RESF1: variants seen among roughly 807,000 people sequenced by gnomAD.
The protein encoded by RESF1 is gonad expressed transcript.
Under a neutral mutation model 134.7 loss-of-function variants are expected in RESF1, and 65 were observed. The observed-to-expected ratio is 0.48, with a 90% confidence interval of 0.40 to 0.59. The LOEUF is 0.59. Ranked by LOEUF, RESF1 falls within the 20% of genes least tolerant of loss-of-function variation. The pLI is 0.00. For missense variants in RESF1, 2,274 were observed against 2,002.7 expected, an observed-to-expected ratio of 1.14 and a Z score of -2.59; for synonymous variants, 762 against 702.2, an observed-to-expected ratio of 1.09 and a Z score of -1.35.
chr12:31,988,461 G>A (rs370321419), intron 5 of RESF1, among the ~76,000 whole-genome samples: 10 of 152,084 alleles, frequency 6.6e-5, no homozygotes, highest in African/African-American at 2.2e-4. Context: ...AGGTATGTGT[G>A]GGGGGTATGC....
In RESF1 at chr12:31,983,187, T is replaced by C; in HGVS notation, c.2232T>C (p.Asn744=). 2 of 1,611,208 alleles carry C rather than the reference T, an allele frequency of 1.2e-6. No individual in the cohort carries two copies. The highest frequency in any genetic ancestry group is 1.7e-6 in the Non-Finnish European group (2 of 1,179,002). ...CAGCTTTGTCGATGGTAATGCACAA[T>C]TATGAGTCTTCAGGTATAAATATAA... ...QQTALSMVMH[N]YESSGINITK... Residue 744 remains asparagine (N), a synonymous_variant, in exon 4 of 6, where the codon AAT becomes AAC. Transcript: ENST00000312561.
rs2388982 is a variant in RESF1, at chr12:31,981,306, C to T, written c.351C>T (p.Asn117=). ...NLQMSSGVTQ[N]VWLNSPMRNP... ...AGATGTCTTCAGGAGTTACCCAAAACGTATGGTTGAACTCACCAATGAGGA... is the reference window on the plus strand; with the variant it reads ...AGATGTCTTCAGGAGTTACCCAAAATGTATGGTTGAACTCACCAATGAGGA... The change falls in exon 4 of 6, where the codon AAC becomes AAT. Residue 117 remains asparagine (N), a synonymous_variant. Transcript: ENST00000312561. The T allele has an allele frequency of 0.7, 1,122,602 of 1,613,500 alleles. 391,280 individuals are homozygous for T. Among genetic ancestry groups the T allele is most frequent in the East Asian group, 0.81 (36,461 of 44,866 alleles).
Position 31,981,463 on chromosome 12 carries a change from C to T in RESF1, c.508C>T (p.Pro170Ser). The change falls in exon 4 of 6, where the codon CCT becomes TCT. Residue 170 changes from proline to serine, a missense_variant. Transcript: ENST00000312561. Reference sequence around the variant, plus strand: ...CTATTCTATGCAAATGCAGATGATCCCTTCTAATTCTACACGACTTCCTGT... The same window carrying T: ...CTATTCTATGCAAATGCAGATGATCTCTTCTAATTCTACACGACTTCCTGT... Reference protein sequence around the residue: ...DTYSMQMQMIPSNSTRLPVAY... With the variant: ...DTYSMQMQMISSNSTRLPVAY... The T allele has an allele frequency of 7.4e-6, 12 of 1,614,070 alleles. No homozygotes were observed. Among genetic ancestry groups the T allele is most frequent in the Non-Finnish European group, 1.0e-5 (12 of 1,180,010 alleles).
chr12:31,992,010 G>T (rs1940102455), intron 5 of RESF1, among the ~76,000 whole-genome samples: 1 of 152,152 alleles, frequency 6.6e-6, no homozygotes, highest in Non-Finnish European at 1.5e-5. Flanking sequence ...TGTATTGTTT[G>T]GGACTGACTC....
chr12:31,980,218 T>G (rs1439753924), intron 3 of RESF1, among the ~76,000 whole-genome samples: 2 of 150,922 alleles, frequency 1.3e-5, no homozygotes, highest in African/African-American at 4.9e-5. Flanking sequence ...TTCAAGTGAT[T>G]CTTGTGCATC....
At chr12:31,960,408 T>C (rs1939234078) in intron 1 of RESF1, among the ~76,000 whole-genome samples, 1 of 152,204 alleles carries the variant, frequency 6.6e-6, no homozygotes, top group African/African-American at 2.4e-5. Flanking sequence ...TTAGCTTTAA[T>C]CATGTTTCAG....
At chr12:31,964,121 C>T (rs1199028919) in intron 2 of RESF1, among the ~76,000 whole-genome samples, 1 of 152,036 alleles carries the variant, frequency 6.6e-6, no homozygotes, top group Non-Finnish European at 1.5e-5. Context: ...AGTAGATTTA[C>T]CACTTTATTT....
At chr12:31,977,932 A>C (rs1228768846) in intron 3 of RESF1, among the ~76,000 whole-genome samples, 1 of 151,176 alleles carries the variant, frequency 6.6e-6, no homozygotes, top group Non-Finnish European at 1.5e-5. Context: ...CAGCCTTCCA[A>C]GTAGCTGGGA....
intron 3 of RESF1, among the ~76,000 whole-genome samples, chr12:31,972,388 C>T (rs1311887254): frequency 3.3e-5 from 5 of 151,722 alleles, no homozygotes; most frequent in African/African-American, 9.7e-5. Flanking sequence ...GGGTGGATCA[C>T]GAGGTCAGGA....
chr12:31,987,375 G>A, intron 5 of RESF1, 53 bp downstream of exon 5: 1 of 1,002,688 alleles, frequency 1.0e-6, no homozygotes, highest in Non-Finnish European at 1.5e-6. Flanking sequence ...CTGGTATATG[G>A]AAATTGGATT....
Position 31,981,386 on chromosome 12 carries a change from C to G in RESF1, c.431C>G (p.Ala144Gly). Reference sequence around the variant, plus strand: ...GTATCTCATCAAACTGATTTTGGAGCTAACGTACCCAATATGCCGGCACTA... The same window carrying G: ...GTATCTCATCAAACTGATTTTGGAGGTAACGTACCCAATATGCCGGCACTA... ...ATVSHQTDFG[A>G]NVPNMPALQS... Residue 144 changes from alanine (A) to glycine (G), a missense_variant, in exon 4 of 6, where the codon GCT (alanine) becomes GGT (glycine). Physicochemically the swap from Ala to Gly is moderately conservative, Grantham distance 60. Coordinates refer to ENST00000312561, the MANE Select transcript of RESF1 (RefSeq NM_018169.4). 6.2e-7 allele frequency: 1 copy of G among 1,614,096 alleles called. No homozygotes were observed. The highest frequency in any genetic ancestry group is 8.5e-7 in the Non-Finnish European group (1 of 1,180,002).
Position 31,988,110 on chromosome 12 carries a change from A to G in RESF1, c.5086+788A>G, listed in dbSNP as rs530826972. On this transcript the variant is annotated intron_variant, in intron 5 of 5. Coordinates refer to ENST00000312561, the MANE Select transcript of RESF1 (RefSeq NM_018169.4). ...CCAGACCCTGGATTCAATTATTTAC[A>G]TGTTAATTTGATTAATCTTCAATAC... Among the ~76,000 whole-genome samples the G allele has an allele frequency of 9.2e-5, 14 of 152,302 alleles. No homozygotes were observed. The South Asian group carries it at 2.1e-3, about 23-fold the overall frequency.
At chr12:31,978,712 ATTTTTTTTTTTTT>A (rs35842957) in intron 3 of RESF1, among the ~76,000 whole-genome samples, 1 of 121,902 alleles carries the variant, frequency 8.2e-6, no homozygotes, top group African/African-American at 3.0e-5. Flanking sequence ...CACCCAGCTA[ATTTTTTTTTTTTT>A]TTTTTTTTGT....
intron 3 of RESF1, among the ~76,000 whole-genome samples, chr12:31,976,443 T>G (rs1939634466): frequency 6.6e-6 from 1 of 152,166 alleles, no homozygotes; most frequent in Non-Finnish European, 1.5e-5. Context: ...AAGAAAATCA[T>G]AAGGGATTGG....
intron 1 of RESF1, chr12:31,959,839 G>C (rs1245231561): frequency 1.3e-5 from 2 of 152,312 alleles, no homozygotes; most frequent in African/African-American, 2.4e-5. Flanking sequence ...CGCGGTAGAG[G>C]TCGCGAGTGG....
intron 3 of RESF1, 39 bp from the exon 4 acceptor site, chr12:31,980,839 C>A: frequency 1.3e-6 from 1 of 785,612 alleles, no homozygotes; most frequent in Non-Finnish European, 2.0e-6. Flanking sequence ...TCTATCTAGG[C>A]AAAACAGCAT....
chr12:31,992,748 A>C lies in RESF1; in HGVS notation c.*213A>C. On this transcript the variant is annotated 3_prime_UTR_variant, in exon 6 of 6. Transcript: ENST00000312561. ...ATGGATGGTATTCACCGGGGAAACA[A>C]GGTATTTGAATTTCTACTTTATTGA... 1.9e-6 allele frequency: 1 copy of C among 538,154 alleles called. No individual in the cohort carries two copies. Among genetic ancestry groups the C allele is most frequent in the South Asian group, 2.2e-5 (1 of 45,944 alleles). The allele number at this position is 538,154 out of a possible 1,614,324, so 33.3% of individuals were successfully genotyped here. A position where few individuals can be genotyped will look rare whatever the true frequency, so the allele number is the denominator to read the frequency against.
Position 31,992,491 on chromosome 12 carries a change from C to T in RESF1, c.5200C>T (p.Leu1734=). ...GTTTCAAACCTACAAACAGATGTAC[C>T]TGGAGAAGAGAAGCAGAAGCCTTGG... ...EMFQTYKQMY[L]EKRSRSLGSS... is the part of the protein sequence containing the mutation. The change falls in exon 6 of 6, where the codon CTG becomes TTG. Residue 1734 remains leucine, a synonymous_variant. Transcript: ENST00000312561. 1 of 1,613,882 alleles carries T rather than the reference C, an allele frequency of 6.2e-7. No individual in the cohort carries two copies. The highest frequency in any genetic ancestry group is 1.1e-5 in the South Asian group (1 of 91,066).
chr12:31,983,060 C>G lies in RESF1; in HGVS notation c.2105C>G (p.Ala702Gly), dbSNP rs1325463123. 6.2e-7 allele frequency: 1 copy of G among 1,613,812 alleles called. No homozygotes were observed. The highest frequency in any genetic ancestry group is 1.7e-5 in the Admixed American group (1 of 60,006). Residue 702 changes from alanine to glycine, a missense_variant, in exon 4 of 6, where the codon GCA becomes GGA. Ala to Gly is a moderately conservative substitution (Grantham distance 60). Transcript: ENST00000312561. ...ECDKLRTNTT[A>G]VGISKPANIH... is the part of the protein sequence containing the mutation. ...GATAAACTCAGAACAAACACAACAG[C>G]AGTTGGAATTTCAAAGCCTGCTAAC...
Sources: allele counts gnomAD v4.1 joint callset (sites outside exome capture counted in the v4.1 genomes callset), GRCh38; gene constraint gnomAD v4.1.1; transcripts MANE v1.5; gene names NCBI Gene and HGNC (gene_info 2026-07-23, HGNC 2026-07-21).